Variants in USP34 observed in about 807,000 individuals in gnomAD.
USP34 encodes ubiquitin carboxyl-terminal hydrolase 34.
A neutral mutation model predicts 460.3 loss-of-function variants in USP34; 70 were observed. That is an observed-to-expected ratio of 0.15 (90% CI 0.13 to 0.19). The LOEUF is 0.19. Ranked by LOEUF, USP34 falls within the 10% of genes least tolerant of loss-of-function variation. The pLI, the probability that USP34 is intolerant of heterozygous loss-of-function variation, is 1.00. For missense variants in USP34, 3,985 were observed against 4,236.2 expected, an observed-to-expected ratio of 0.94 and a Z score of 1.65; for synonymous variants, 1,647 against 1,405.3, an observed-to-expected ratio of 1.17 and a Z score of -3.85.
chr2:61,470,603 G>A (rs1695926946), intron 1 of USP34, 47 bp downstream of exon 1: 3 of 1,362,468 alleles, frequency 2.2e-6, no homozygotes, highest in Non-Finnish European at 3.1e-6. Flanking sequence ...AGCTGCGCGA[G>A]GACCCCAAAC....
chr2:61,415,662 G>C (rs192147648), intron 2 of USP34, among the ~76,000 whole-genome samples: 11 of 152,294 alleles, frequency 7.2e-5, no homozygotes, highest in Non-Finnish European at 1.3e-4. Context: ...TGAGGAGACA[G>C]GGGACACAGG....
intron 20 of USP34, among the ~76,000 whole-genome samples, chr2:61,329,780 T>A (rs1012188227): frequency 2.0e-5 from 3 of 152,240 alleles, no homozygotes; most frequent in African/African-American, 7.2e-5. Flanking sequence ...CATTGTATCA[T>A]TTCATTAAAT....
At chr2:61,217,421 A>C (rs1350251571) in intron 67 of USP34, among the ~76,000 whole-genome samples, 1 of 152,160 alleles carries the variant, frequency 6.6e-6, no homozygotes, top group Non-Finnish European at 1.5e-5. Flanking sequence ...TCTTTTATAC[A>C]TGTTATTTTA....
At chr2:61,196,716 A>G (rs1442676359) in intron 75 of USP34, among the ~76,000 whole-genome samples, 1 of 151,954 alleles carries the variant, frequency 6.6e-6, no homozygotes, top group East Asian at 1.9e-4. Flanking sequence ...TATTTTTTGT[A>G]GAGACAGGGT....
chr2:61,430,072 G>A (rs543820618), intron 1 of USP34, among the ~76,000 whole-genome samples: 7 of 152,152 alleles, frequency 4.6e-5, no homozygotes, highest in South Asian at 4.1e-4. Flanking sequence ...AAAATTAGCC[G>A]CGCGTGGTGG....
At chr2:61,290,199 A>G (rs1473899806) in intron 33 of USP34, among the ~76,000 whole-genome samples, 1 of 152,174 alleles carries the variant, frequency 6.6e-6, no homozygotes, top group African/African-American at 2.4e-5. Flanking sequence ...AACCCTGTTC[A>G]TATCAACTTC....
intron 2 of USP34, among the ~76,000 whole-genome samples, chr2:61,412,589 T>A (rs112120358): frequency 5.1e-4 from 78 of 151,778 alleles, no homozygotes; most frequent in Non-Finnish European, 1.0e-3. Flanking sequence ...GAAAAAAATA[T>A]TAATAATGGA....
At position 61,301,071 on chromosome 2, in the gene USP34, C is replaced by T; in HGVS notation, c.4008G>A (p.Lys1336=). Residue 1336 remains lysine, a synonymous_variant, in exon 29 of 80, where the codon AAG becomes AAA. Coordinates refer to ENST00000398571, the MANE Select transcript of USP34 (RefSeq NM_014709.4). The part of the protein sequence containing the change: ...LPASCLPPPQ[K]DNIPMLLLLQ... ...AAAGCAAAAGCATTGGAATGTTGTC[C>T]TTCTGAGGGGGTGGGAGGCAAGATG... 1 of 1,613,908 alleles carries T rather than the reference C, an allele frequency of 6.2e-7. No homozygotes were observed.
chr2:61,219,626 G>A (rs1687500348), intron 67 of USP34, among the ~76,000 whole-genome samples: 1 of 148,486 alleles, frequency 6.7e-6, no homozygotes, highest in South Asian at 2.1e-4. Context: ...TGCTGAGACT[G>A]CACCACTGCA....
chr2:61,399,436 C>T (rs1045408189), intron 3 of USP34, among the ~76,000 whole-genome samples: 7 of 151,782 alleles, frequency 4.6e-5, no homozygotes, highest in Non-Finnish European at 1.0e-4. Context: ...AACTGTTTTG[C>T]CACTCTATTT....
intron 43 of USP34, among the ~76,000 whole-genome samples, chr2:61,260,683 C>T (rs920283562): frequency 1.2e-4 from 18 of 152,028 alleles, no homozygotes; most frequent in Non-Finnish European, 2.2e-4. Flanking sequence ...ACAAAATTGG[C>T]AAAATAATTC....
Position 61,203,238 on chromosome 2 carries a change from A to G in USP34, c.9410T>C (p.Met3137Thr). 6.3e-7 allele frequency: 1 copy of G among 1,584,440 alleles called. No individual in the cohort carries two copies. The highest frequency in any genetic ancestry group is 1.2e-5 in the South Asian group (1 of 84,640). The change falls in exon 75 of 80, where the codon ATG becomes ACG. Residue 3137 changes from methionine (M) to threonine (T), a missense_variant. Physicochemically the swap from Met to Thr is moderately conservative, Grantham distance 81. Around this residue, in one of 14 missense-constraint regions of USP34, gnomAD observed 28 missense variants for 36.8 expected, o/e 0.76. Coordinates refer to ENST00000398571, the MANE Select transcript of USP34 (RefSeq NM_014709.4). ...ATAAGAAAAGAAGTAGTCTAGCAGC[A>G]TACGATCATAAACGTCATCTTTGCC... ...SKGKDDVYDR[M>T]LLDYFFSYHQ...
intron 43 of USP34, among the ~76,000 whole-genome samples, chr2:61,262,278 TGTTCTATCACCCAG>T (rs1447611100): frequency 6.6e-6 from 1 of 151,750 alleles, no homozygotes; most frequent in Non-Finnish European, 1.5e-5. Flanking sequence ...GTATATAGAT[TGTTCTATCACCCAG>T]GTAATAATAG....
At chr2:61,248,826 C>A (rs1320807045) in intron 48 of USP34, 143 bp from the exon 49 acceptor site, 6 of 673,718 alleles carry the variant, frequency 8.9e-6, no homozygotes, top group Non-Finnish European at 1.1e-5. Flanking sequence ...GGGATACCTT[C>A]TGAGAACACC....
chr2:61,377,824 T>G (rs1692841037), intron 8 of USP34, among the ~76,000 whole-genome samples: 1 of 152,218 alleles, frequency 6.6e-6, no homozygotes, highest in African/African-American at 2.4e-5. Context: ...AATTCTCCAG[T>G]ATAAACAGTA....
chr2:61,271,394 A>G (rs188211724), intron 41 of USP34, among the ~76,000 whole-genome samples: 100 of 152,330 alleles, frequency 6.6e-4, no homozygotes, highest in African/African-American at 2.1e-3. Flanking sequence ...TGAAGTATAA[A>G]TATCATGAGC....
chr2:61,321,020 CA>C (rs1190994221), intron 21 of USP34, among the ~76,000 whole-genome samples: 1 of 151,468 alleles, frequency 6.6e-6, no homozygotes, highest in African/African-American at 2.4e-5. Flanking sequence ...CAAAAACAAA[CA>C]AAAAAGTAGC....
chr2:61,440,856 A>G (rs1057024399), intron 1 of USP34, among the ~76,000 whole-genome samples: 1 of 150,646 alleles, frequency 6.6e-6, no homozygotes, highest in Non-Finnish European at 1.5e-5. Context: ...TTTCGGGTGC[A>G]GTGGCTCACG....
intron 1 of USP34, among the ~76,000 whole-genome samples, chr2:61,433,495 G>A (rs985610822): frequency 5.9e-5 from 9 of 152,082 alleles, no homozygotes; most frequent in Admixed American, 6.6e-5. Flanking sequence ...TTAGCCGGGC[G>A]TGGTGGTGGG....
Sources: allele counts gnomAD v4.1 joint callset (sites outside exome capture counted in the v4.1 genomes callset), GRCh38; gene constraint gnomAD v4.1.1; regional missense constraint gnomAD v4.1.1; transcripts MANE v1.5; gene names NCBI Gene and HGNC (gene_info 2026-07-23, HGNC 2026-07-21).